Variants in L3MBTL4 observed in about 807,000 individuals in gnomAD.
L3MBTL4 encodes lethal(3)malignant brain tumor-like protein 4.
L3MBTL4 carries 70 observed loss-of-function variants against 84.5 expected under a neutral mutation model. The observed-to-expected ratio is 0.83, with a 90% CI of 0.68 to 1.01. L3MBTL4 has a LOEUF of 1.01. Among genes scored for constraint, L3MBTL4 ranks in the 50% least tolerant of loss-of-function variants. L3MBTL4 has a pLI of 0.00. For missense variants in L3MBTL4, 715 were observed against 754.8 expected, an observed-to-expected ratio of 0.95 and a Z score of 0.62; for synonymous variants, 274 against 259.8, an observed-to-expected ratio of 1.05 and a Z score of -0.52.
intron 1 of L3MBTL4, among the ~76,000 whole-genome samples, chr18:6,384,918 T>G (rs1267396902): frequency 6.6e-6 from 1 of 151,958 alleles, no homozygotes; most frequent in East Asian, 1.9e-4. Context: ...GAGACATACC[T>G]AGAGACAGGG....
At chr18:6,248,229 A>G (rs1001276011) in intron 5 of L3MBTL4, among the ~76,000 whole-genome samples, 3 of 152,160 alleles carry the variant, frequency 2.0e-5, no homozygotes, top group Non-Finnish European at 2.9e-5. Flanking sequence ...CAGTTTCAGA[A>G]CTGTTTTACC....
chr18:6,341,632 T>A (rs1418983307), intron 1 of L3MBTL4, among the ~76,000 whole-genome samples: 2 of 151,550 alleles, frequency 1.3e-5, no homozygotes, highest in Non-Finnish European at 2.9e-5. Flanking sequence ...TCTACAGGAC[T>A]TATAGAACAG....
At chr18:6,396,889 TG>T (rs902281217) in intron 1 of L3MBTL4, 2 of 152,238 alleles carry the variant, frequency 1.3e-5, no homozygotes, top group African/African-American at 4.8e-5. Context: ...ACTAAGTTAC[TG>T]CCATTCACAC....
intron 5 of L3MBTL4, among the ~76,000 whole-genome samples, chr18:6,254,394 G>A (rs558191643): frequency 1.8e-4 from 26 of 145,774 alleles, no homozygotes; most frequent in East Asian, 8.0e-4. Flanking sequence ...TTCAAATTCC[G>A]CTTTTTCAAA....
intron 14 of L3MBTL4, among the ~76,000 whole-genome samples, chr18:6,133,302 C>T (rs1366322388): frequency 6.6e-6 from 1 of 151,042 alleles, no homozygotes; most frequent in East Asian, 1.9e-4. Flanking sequence ...AGGGGACTAA[C>T]GAGTACCATA....
At chr18:6,262,742 C>T (rs1057158225) in intron 5 of L3MBTL4, among the ~76,000 whole-genome samples, 2 of 152,142 alleles carry the variant, frequency 1.3e-5, no homozygotes, top group African/African-American at 4.8e-5. Context: ...GACCTTCATA[C>T]TGTTTGTTAG....
At chr18:6,395,428 G>A (rs1360381310) in intron 1 of L3MBTL4, 1 of 151,940 alleles carries the variant, frequency 6.6e-6, no homozygotes, top group Non-Finnish European at 1.5e-5. Context: ...CAAAATAATT[G>A]CCCCCTTTTA....
intron 16 of L3MBTL4, among the ~76,000 whole-genome samples, chr18:6,072,761 C>T (rs1430839342): frequency 6.8e-6 from 1 of 146,898 alleles, no homozygotes; most frequent in Non-Finnish European, 1.5e-5. Context: ...GAGGCTGAAG[C>T]AGGAGTATGG....
intron 16 of L3MBTL4, chr18:6,031,315 T>C (rs1026340179): frequency 2.0e-6 from 2 of 985,454 alleles, no homozygotes; most frequent in Non-Finnish European, 2.4e-6. Flanking sequence ...ATTTGGGTTA[T>C]AGGTTTTCTG....
At chr18:6,078,439 C>CAAAAAAAAAAAAAAA in intron 16 of L3MBTL4, among the ~76,000 whole-genome samples, 1 of 43,762 alleles carries the variant, frequency 2.3e-5, no homozygotes. Context: ...AAAAAAAAAA[C>CAAAAAAAAAAAAAAA]AAAAAAAAAA....
chr18:6,198,395 TA>T, intron 12 of L3MBTL4, among the ~76,000 whole-genome samples: 1 of 152,228 alleles, frequency 6.6e-6, no homozygotes, highest in Non-Finnish European at 1.5e-5. Flanking sequence ...CCACTCTCAA[TA>T]TACTTCATTT....
intron 16 of L3MBTL4, among the ~76,000 whole-genome samples, chr18:6,067,324 C>G (rs1391811836): frequency 6.6e-6 from 1 of 152,118 alleles, no homozygotes; most frequent in Non-Finnish European, 1.5e-5. Context: ...CTTGAGTTTT[C>G]TGTATTTGGA....
intron 5 of L3MBTL4, among the ~76,000 whole-genome samples, chr18:6,256,295 G>T (rs1000808059): frequency 7.9e-5 from 12 of 152,116 alleles, no homozygotes. Flanking sequence ...TCAGGCATAG[G>T]TGAAGAACTT....
At chr18:6,153,127 T>C (rs2042963633) in intron 13 of L3MBTL4, among the ~76,000 whole-genome samples, 1 of 152,230 alleles carries the variant, frequency 6.6e-6, no homozygotes, top group South Asian at 2.1e-4. Flanking sequence ...TTTTGATTAC[T>C]ATAGCTTTGT....
At chr18:6,263,864 G>T in intron 5 of L3MBTL4, 83 bp downstream of exon 5, 1 of 902,672 alleles carries the variant, frequency 1.1e-6, no homozygotes, top group Middle Eastern at 2.1e-4. Context: ...AAGTTGATGG[G>T]CTATCTAGGA....
rs1170200153 is a variant in L3MBTL4 at position 5,972,225 on chromosome 18, A to G, written c.1445-2663T>C. Among the ~76,000 whole-genome samples, 3 of 152,212 alleles carry G rather than the reference A, an allele frequency of 2.0e-5. No individual in the cohort carries two copies. The East Asian group carries it at 5.8e-4, about 29-fold the overall frequency. On this transcript the variant is annotated intron_variant, in intron 16 of 18. Transcript: ENST00000317931. ...CTTGCCAGAATCTGTTATATGTTGA[A>G]CACAGATAATGTTTTACTATTATCA...
chr18:6,225,497 C>T (rs1442153263), intron 10 of L3MBTL4, among the ~76,000 whole-genome samples: 1 of 152,186 alleles, frequency 6.6e-6, no homozygotes, highest in Non-Finnish European at 1.5e-5. Flanking sequence ...CAGTGGCTTA[C>T]ACCTATAATC....
chr18:6,170,867 C>T lies in L3MBTL4; in HGVS notation c.1096+961G>A, dbSNP rs567728430. On this transcript the variant is annotated intron_variant, in intron 13 of 18. Transcript: ENST00000317931. ...TGGCGCCCTTCCCTACTTGGAGTCC[C>T]CCATATGGTGCTGACCATGGTCCTC... Among the ~76,000 whole-genome samples, 7 of 152,226 alleles carry T rather than the reference C, an allele frequency of 4.6e-5. No individual in the cohort carries two copies. In the East Asian group the frequency reaches 1.2e-3, roughly 25 times the overall value.
chr18:6,180,771 A>T (rs534200446), intron 12 of L3MBTL4, among the ~76,000 whole-genome samples: 1 of 152,342 alleles, frequency 6.6e-6, no homozygotes, highest in African/African-American at 2.4e-5. Flanking sequence ...ATGAAGGTCA[A>T]AATCTGTATT....
Sources: gnomAD v4.1 joint callset for allele counts (sites outside exome capture counted in the v4.1 genomes callset) on GRCh38, gnomAD v4.1.1 for gene constraint, MANE v1.5 for transcripts, NCBI Gene and HGNC (gene_info 2026-07-23, HGNC 2026-07-21) for gene names.